The following KY variants were observed in gnomAD, a reference collection of about 807,000 sequenced individuals.
KY encodes the protein kyphoscoliosis peptidase.
KY carries 43 observed loss-of-function variants against 76.1 expected under a neutral mutation model. That is an observed-to-expected ratio of 0.57 (90% CI 0.44 to 0.73). The LOEUF (loss-of-function observed/expected upper bound fraction) is 0.73, where lower values mean the gene tolerates loss of function less well. KY is among the 30% of genes least tolerant of loss of function. KY has a pLI of 0.00. For missense variants in KY, 722 were observed against 828.9 expected, an observed-to-expected ratio of 0.87 and a Z score of 1.58; for synonymous variants, 277 against 326.2, an observed-to-expected ratio of 0.85 and a Z score of 1.63.
intron 2 of KY, among the ~76,000 whole-genome samples, chr3:134,644,027 A>T (rs1282037694): frequency 2.0e-5 from 3 of 151,870 alleles, no homozygotes; most frequent in Non-Finnish European, 2.9e-5. Context: ...GGGTTTCACC[A>T]TGTTAGCCAG....
chr3:134,629,698 A>T lies in KY; in HGVS notation c.263-3T>A. On this transcript the variant is annotated splice_polypyrimidine_tract_variant and splice_region_variant and intron_variant, in intron 3 of 10. Transcript: ENST00000423778. The stretch of plus-strand genomic sequence containing the variant: ...GACTTCCACAGTCAGTTGTGTCCCT[A>T]CAAAGGAAAAGGAGATGACATTCTC... 6.3e-7 allele frequency: 1 copy of T among 1,582,614 alleles called. No individual in the cohort carries two copies. Among genetic ancestry groups the T allele is most frequent in the Non-Finnish European group, 8.6e-7 (1 of 1,163,096 alleles).
Position 134,643,351 on chromosome 3 carries a change from T to C in KY, c.227A>G (p.Gln76Arg), listed in dbSNP as rs775997586. ...HENLVEKQHP[Q>R]QPQVITSYNS... ...GTAGGAAGTGATGACCTGGGGCTGC[T>C]GAGGGTGCTGCTTCTCCACCAAGTT... Residue 76 changes from glutamine (Q) to arginine (R), a missense_variant, in exon 3 of 11, where the codon CAG (glutamine) becomes CGG (arginine). Gln to Arg is a conservative substitution (Grantham distance 43). Around this residue, in one of 2 missense-constraint regions of KY, gnomAD observed 170 missense variants for 148.1 expected, o/e 1.15. Transcript: ENST00000423778. 6.2e-7 allele frequency: 1 copy of C among 1,613,740 alleles called. No homozygotes were observed. Among genetic ancestry groups the C allele is most frequent in the African/African-American group, 1.3e-5 (1 of 74,884 alleles).
intron 1 of KY, among the ~76,000 whole-genome samples, chr3:134,648,466 T>C (rs376101683): frequency 2.6e-5 from 4 of 152,296 alleles, no homozygotes; most frequent in South Asian, 2.1e-4. Context: ...TCAAAGCTCA[T>C]TGGGTCTTGC....
intron 3 of KY, among the ~76,000 whole-genome samples, chr3:134,633,029 C>A (rs1483199171): frequency 6.6e-6 from 1 of 151,962 alleles, no homozygotes. Flanking sequence ...GGGCCAATTC[C>A]TTAAAAGTCA....
intron 1 of KY, among the ~76,000 whole-genome samples, chr3:134,648,334 C>T (rs1966685965): frequency 2.0e-5 from 3 of 152,174 alleles, no homozygotes; most frequent in South Asian, 4.2e-4. Context: ...CTTCTTAACA[C>T]CCTTCTTTTC....
intron 2 of KY, among the ~76,000 whole-genome samples, chr3:134,647,044 T>G (rs1473837403): frequency 6.6e-6 from 1 of 152,184 alleles, no homozygotes; most frequent in East Asian, 1.9e-4. Flanking sequence ...TTCTCAGGCT[T>G]CAAGTCATAC....
At chr3:134,645,829 G>T (rs1966379607) in intron 2 of KY, among the ~76,000 whole-genome samples, 1 of 152,086 alleles carries the variant, frequency 6.6e-6, no homozygotes, top group Non-Finnish European at 1.5e-5. Context: ...GTCTTATAAT[G>T]GTCTTGTAAT....
At chr3:134,631,028 A>G (rs909021630) in intron 3 of KY, among the ~76,000 whole-genome samples, 5 of 152,232 alleles carry the variant, frequency 3.3e-5, no homozygotes, top group Non-Finnish European at 5.9e-5. Flanking sequence ...TTGAAGATAG[A>G]TCAACAGATA....
chr3:134,603,490 G>A lies in KY; in HGVS notation c.*89C>T. The A allele has an allele frequency of 8.6e-7, 1 of 1,159,470 alleles. No individual in the cohort carries two copies. 71.8% of individuals were successfully genotyped at this position (1,159,470 alleles called of 1,614,324 possible). A position where few individuals can be genotyped will look rare whatever the true frequency, so the allele number is the denominator to read the frequency against. On this transcript the variant is annotated 3_prime_UTR_variant, in exon 11 of 11. Transcript: ENST00000423778. ...AGAAGGGATTTCATGCAGACTCAGT[G>A]GTGTCCAGGGCTCCCTGCACTTCCT...
At chr3:134,632,065 A>G (rs573485095) in intron 3 of KY, among the ~76,000 whole-genome samples, 27 of 152,242 alleles carry the variant, frequency 1.8e-4, no homozygotes, top group African/African-American at 4.3e-4. Flanking sequence ...GCAAGAAGAC[A>G]TAACAACCTT....
chr3:134,645,803 C>T (rs2108026671), intron 2 of KY, among the ~76,000 whole-genome samples: 2 of 152,318 alleles, frequency 1.3e-5, no homozygotes, highest in Middle Eastern at 6.8e-3. Context: ...AGACCCACTT[C>T]ATGTCTTTTA....
chr3:134,616,119 T>G (rs1230862986), intron 8 of KY, among the ~76,000 whole-genome samples: 2 of 152,076 alleles, frequency 1.3e-5, no homozygotes, highest in East Asian at 3.9e-4. Flanking sequence ...TTAGGCAGAA[T>G]CAACTAAGGA....
At chr3:134,606,160 T>G (rs754688113) in intron 10 of KY, among the ~76,000 whole-genome samples, 1 of 152,100 alleles carries the variant, frequency 6.6e-6, no homozygotes, top group Non-Finnish European at 1.5e-5. Flanking sequence ...TCCTGTTCCA[T>G]CTCACAACTG....
At chr3:134,624,474 C>T (rs1015722766) in intron 6 of KY, among the ~76,000 whole-genome samples, 6 of 152,212 alleles carry the variant, frequency 3.9e-5, no homozygotes, top group Non-Finnish European at 7.3e-5. Context: ...ACACCTTGTT[C>T]CTCCTATCAG....
chr3:134,616,856 C>T (rs866928615), intron 8 of KY, among the ~76,000 whole-genome samples: 6 of 152,274 alleles, frequency 3.9e-5, no homozygotes, highest in Middle Eastern at 6.8e-3. Context: ...AACACCCACC[C>T]CAAAATCGGG....
chr3:134,648,390 C>T (rs542052294), intron 1 of KY, among the ~76,000 whole-genome samples: 1 of 152,272 alleles, frequency 6.6e-6, no homozygotes, highest in South Asian at 2.1e-4. Context: ...CACTTGGAAC[C>T]CTCATGACAC....
intron 6 of KY, among the ~76,000 whole-genome samples, chr3:134,624,495 C>T (rs1963152816): frequency 6.6e-6 from 1 of 152,256 alleles, no homozygotes; most frequent in South Asian, 2.1e-4. Context: ...ACTCTCTGTG[C>T]TGAAGCTCCT....
At chr3:134,636,843 T>A (rs1421487478) in intron 3 of KY, among the ~76,000 whole-genome samples, 2 of 152,258 alleles carry the variant, frequency 1.3e-5, no homozygotes, top group Admixed American at 6.5e-5. Flanking sequence ...ATTTCTTTAG[T>A]TTTATTGTAG....
At chr3:134,649,657 C>T (rs1167696051) in intron 1 of KY, among the ~76,000 whole-genome samples, 4 of 152,182 alleles carry the variant, frequency 2.6e-5, no homozygotes, top group African/African-American at 4.8e-5. Flanking sequence ...GAGACTAGAG[C>T]GCCTGTCAAC....
Sources: allele counts gnomAD v4.1 joint callset (sites outside exome capture counted in the v4.1 genomes callset), GRCh38; gene constraint gnomAD v4.1.1; regional missense constraint gnomAD v4.1.1; transcripts MANE v1.5; gene names NCBI Gene and HGNC (gene_info 2026-07-23, HGNC 2026-07-21).